The following PDE4D variants were observed in gnomAD, a reference collection of about 807,000 sequenced individuals.
PDE4D encodes the protein 3',5'-cyclic-AMP phosphodiesterase 4D.
In PDE4D, 24 loss-of-function variants were observed where a neutral mutation model predicts 87.4. The observed-to-expected ratio is 0.27, with a 90% CI of 0.20 to 0.39. The LOEUF is 0.39. PDE4D is among the 10% of genes least tolerant of loss of function. PDE4D has a pLI of 1.00. For missense variants in PDE4D, 714 were observed against 1,041.0 expected (o/e 0.69, Z 4.32); for synonymous variants, 384 against 383.2 (o/e 1.00, Z -0.02).
intron 1 of PDE4D, among the ~76,000 whole-genome samples, chr5:59,423,376 T>C (rs1243268580): frequency 6.6e-6 from 1 of 152,178 alleles, no homozygotes; most frequent in East Asian, 1.9e-4. Flanking sequence ...AAATTGTCCC[T>C]GTCAGGATTT....
chr5:60,150,068 T>A lies in PDE4D; in HGVS notation c.42+35489A>T, dbSNP rs1370450399. ...ATATAATTCTATATACTAGTATATA[T>A]GACTAGTATATAGAATTATATATAC... On this transcript the variant is annotated intron_variant, in intron 2 of 16. Transcript: ENST00000502484. 2.0e-5 allele frequency among the ~76,000 whole-genome samples: 3 copies of A among 148,050 alleles called. No homozygotes were observed. In the East Asian group the frequency reaches 5.8e-4, roughly 29 times the overall value.
Position 59,893,675 on chromosome 5 carries a change from C to T in PDE4D, c.-53G>A, listed in dbSNP as rs1189137457. The T allele has an allele frequency of 2.1e-6, 3 of 1,406,260 alleles. No individual in the cohort carries two copies. The highest frequency in any genetic ancestry group is 2.7e-6 in the Non-Finnish European group (3 of 1,091,286). The allele number at this position is 1,406,260 out of a possible 1,614,324, so 87.1% of individuals were successfully genotyped here. A position where few individuals can be genotyped will look rare whatever the true frequency, so the allele number is the denominator to read the frequency against. ...CCCAGCCCGGGTTCACCGCGCTGGCCCGAGCGCCTTCCTGATGCTGCTGCT... is the reference window on the plus strand; with the variant it reads ...CCCAGCCCGGGTTCACCGCGCTGGCTCGAGCGCCTTCCTGATGCTGCTGCT... On this transcript the variant is annotated 5_prime_UTR_variant, in exon 1 of 15. Coordinates refer to ENST00000340635, the MANE Select transcript of PDE4D (RefSeq NM_001104631.2).
intron 1 of PDE4D, among the ~76,000 whole-genome samples, chr5:59,315,773 T>C (rs749574064): frequency 5.9e-5 from 9 of 151,992 alleles, no homozygotes; most frequent in Non-Finnish European, 1.3e-4. Flanking sequence ...TAAAGGAAAA[T>C]TGCCCAAAGA....
At chr5:59,053,049 CCT>C (rs1405547070) in intron 5 of PDE4D, among the ~76,000 whole-genome samples, 4 of 151,834 alleles carry the variant, frequency 2.6e-5, no homozygotes, top group African/African-American at 9.7e-5. Context: ...GACTCTTGTA[CCT>C]CTCTGAAAAG....
intron 6 of PDE4D, among the ~76,000 whole-genome samples, chr5:58,996,054 C>T (rs1749142184): frequency 6.6e-6 from 1 of 152,196 alleles, no homozygotes; most frequent in East Asian, 1.9e-4. Context: ...AACCAAACAC[C>T]ACATGTTCTC....
intron 1 of PDE4D, among the ~76,000 whole-genome samples, chr5:59,492,629 A>G (rs192704775): frequency 6.1e-4 from 93 of 152,200 alleles, no homozygotes; most frequent in Admixed American, 1.7e-3. Context: ...CCTGGAGCTA[A>G]TTTTCCAGGG....
At chr5:59,872,293 ACACACAC>A (rs1214562610) in intron 1 of PDE4D, among the ~76,000 whole-genome samples, 3 of 134,802 alleles carry the variant, frequency 2.2e-5, no homozygotes, top group African/African-American at 9.6e-5. Flanking sequence ...ACACACACAC[ACACACAC>A]AAGAGCACAC....
chr5:59,509,785 G>A (rs1258249123), intron 1 of PDE4D, among the ~76,000 whole-genome samples: 1 of 148,720 alleles, frequency 6.7e-6, no homozygotes, highest in Non-Finnish European at 1.5e-5. Flanking sequence ...TAGAAAGCAG[G>A]ATAAATAGGA....
At chr5:60,481,928 T>A (rs1429729640) in intron 1 of PDE4D, among the ~76,000 whole-genome samples, 1 of 152,156 alleles carries the variant, frequency 6.6e-6, no homozygotes. Context: ...ATTACCTTAT[T>A]GGTTACAAGG....
chr5:59,530,807 T>G (rs1814076495), intron 1 of PDE4D, among the ~76,000 whole-genome samples: 1 of 152,220 alleles, frequency 6.6e-6, no homozygotes, highest in Non-Finnish European at 1.5e-5. Context: ...ACTATTTTTC[T>G]CCAGCTCTAA....
intron 1 of PDE4D, among the ~76,000 whole-genome samples, chr5:59,317,553 C>T (rs149238290): frequency 1.0e-3 from 158 of 152,194 alleles, no homozygotes; most frequent in African/African-American, 3.6e-3. Flanking sequence ...AGGCCACAAC[C>T]CCTGCAGGCA....
chr5:59,052,384 G>A (rs1444316304), intron 5 of PDE4D, among the ~76,000 whole-genome samples: 2 of 152,182 alleles, frequency 1.3e-5, no homozygotes, highest in Non-Finnish European at 2.9e-5. Context: ...GCTGGGTGGA[G>A]TAGACACATT....
At chr5:59,556,600 G>T (rs1390079337) in intron 1 of PDE4D, among the ~76,000 whole-genome samples, 2 of 152,290 alleles carry the variant, frequency 1.3e-5, no homozygotes, top group East Asian at 3.9e-4. Context: ...TCTTTCCTGA[G>T]AAATGGATGT....
chr5:60,102,282 A>G (rs1209081603), intron 2 of PDE4D, among the ~76,000 whole-genome samples: 2 of 151,892 alleles, frequency 1.3e-5, no homozygotes, highest in Non-Finnish European at 2.9e-5. Flanking sequence ...TATTTTCAAT[A>G]CAGTGGGTAC....
intron 1 of PDE4D, among the ~76,000 whole-genome samples, chr5:59,641,556 C>T (rs1167165850): frequency 4.6e-5 from 7 of 152,124 alleles, no homozygotes; most frequent in Admixed American, 4.6e-4. Flanking sequence ...AATGTAAAAA[C>T]ATTGTCCAGA....
intron 3 of PDE4D, among the ~76,000 whole-genome samples, chr5:59,913,348 G>T (rs1468272718): frequency 6.6e-6 from 1 of 152,100 alleles, no homozygotes; most frequent in Admixed American, 6.5e-5. Flanking sequence ...GGCTGAATGG[G>T]GTTGTAGGTG....
intron 1 of PDE4D, among the ~76,000 whole-genome samples, chr5:59,689,491 G>A (rs1176783915): frequency 1.3e-5 from 2 of 152,112 alleles, no homozygotes; most frequent in Non-Finnish European, 2.9e-5. Flanking sequence ...CTCAATAGAT[G>A]CAGAAAAGGC....
intron 6 of PDE4D, among the ~76,000 whole-genome samples, chr5:59,031,373 A>ATAT (rs1481837439): frequency 7.8e-5 from 2 of 25,742 alleles, no homozygotes; most frequent in Non-Finnish European, 2.1e-4. Flanking sequence ...ATATATATAT[A>ATAT]TATATATATA....
intron 1 of PDE4D, among the ~76,000 whole-genome samples, chr5:60,476,747 C>G (rs1205173157): frequency 2.0e-5 from 3 of 152,150 alleles, no homozygotes; most frequent in African/African-American, 7.2e-5. Context: ...TCATGGCTCA[C>G]TCCCTCACTT....
Sources: allele counts gnomAD v4.1 joint callset (sites outside exome capture counted in the v4.1 genomes callset), GRCh38; gene constraint gnomAD v4.1.1; transcripts MANE v1.5; gene names NCBI Gene and HGNC (gene_info 2026-07-23, HGNC 2026-07-21).